The following ARHGAP20 variants were observed in gnomAD, a reference collection of about 807,000 sequenced individuals.
The protein encoded by ARHGAP20 is rho GTPase-activating protein 20.
Under a neutral mutation model 73.7 loss-of-function variants are expected in ARHGAP20, and 34 were observed. That is an observed-to-expected ratio of 0.46 (90% CI 0.35 to 0.61). The LOEUF (loss-of-function observed/expected upper bound fraction) is 0.61. Among genes scored for constraint, ARHGAP20 ranks in the 20% least tolerant of loss-of-function variants. The pLI, the probability that ARHGAP20 is intolerant of heterozygous loss-of-function variation, is 0.00. For synonymous variants in ARHGAP20, 523 were observed against 518.2 expected (o/e 1.01, Z -0.13); for missense variants, 1,314 against 1,420.9 (o/e 0.92, Z 1.21).
chr11:110,669,005 G>T (rs1949777232), intron 2 of ARHGAP20, among the ~76,000 whole-genome samples: 1 of 152,006 alleles, frequency 6.6e-6, no homozygotes, highest in South Asian at 2.1e-4. Flanking sequence ...TGTAAAATCT[G>T]AAACTATAAA....
chr11:110,594,587 C>T (rs552358698), intron 9 of ARHGAP20, among the ~76,000 whole-genome samples: 35 of 152,208 alleles, frequency 2.3e-4, no homozygotes, highest in Non-Finnish European at 7.4e-5. Flanking sequence ...TTAAGTAAAG[C>T]AGTTTCTTCC....
chr11:110,604,154 T>C (rs932824960), intron 9 of ARHGAP20, among the ~76,000 whole-genome samples: 1 of 152,174 alleles, frequency 6.6e-6, no homozygotes, highest in Non-Finnish European at 1.5e-5. Context: ...TCTGGCCCCT[T>C]ACAGGAAAAG....
intron 3 of ARHGAP20, among the ~76,000 whole-genome samples, chr11:110,628,272 G>C (rs941354893): frequency 6.6e-6 from 1 of 152,110 alleles, no homozygotes; most frequent in African/African-American, 2.4e-5. Context: ...GCTAATTTCA[G>C]ATTATTTCAA....
chr11:110,673,835 C>A (rs1473524364), intron 2 of ARHGAP20, among the ~76,000 whole-genome samples: 5 of 152,062 alleles, frequency 3.3e-5, no homozygotes, highest in Non-Finnish European at 5.9e-5. Context: ...AGAAAACTCT[C>A]AAAACAGGCA....
intron 5 of ARHGAP20, among the ~76,000 whole-genome samples, 154 bp downstream of exon 5, chr11:110,615,399 G>C (rs1948461201): frequency 6.6e-6 from 1 of 152,160 alleles, no homozygotes; most frequent in Non-Finnish European, 1.5e-5. Context: ...CAAGTAAGTA[G>C]CTAGTGTACG....
intron 2 of ARHGAP20, among the ~76,000 whole-genome samples, chr11:110,645,336 T>C (rs1025642908): frequency 2.6e-5 from 4 of 152,036 alleles, no homozygotes; most frequent in East Asian, 1.9e-4. Context: ...AAAGAAGACA[T>C]ACAAGTGGCC....
At chr11:110,626,311 A>G (rs944261525) in intron 3 of ARHGAP20, among the ~76,000 whole-genome samples, 1 of 152,170 alleles carries the variant, frequency 6.6e-6, no homozygotes, top group African/African-American at 2.4e-5. Context: ...AAGTCATCCC[A>G]AAGATCCTTT....
intron 6 of ARHGAP20, among the ~76,000 whole-genome samples, chr11:110,613,261 T>C (rs1361323592): frequency 1.3e-5 from 2 of 152,208 alleles, no homozygotes; most frequent in Non-Finnish European, 2.9e-5. Flanking sequence ...TTTTGTTCCA[T>C]ATTAGCATAA....
At position 110,578,074 on chromosome 11, in the gene ARHGAP20, A is replaced by G. The variant is rs1335207185; in HGVS notation, c.*1296T>C. The G allele has an allele frequency of 1.0e-6, 1 of 985,332 alleles. No homozygotes were observed. The highest frequency in any genetic ancestry group is 1.7e-5 in the African/African-American group (1 of 57,244). The allele number at this position is 985,332 out of a possible 1,614,324, so 61.0% of individuals were successfully genotyped here. On this transcript the variant is annotated 3_prime_UTR_variant, in exon 15 of 15. Coordinates refer to ENST00000683387, the MANE Select transcript of ARHGAP20 (RefSeq NM_001384657.1). ...TCCATTTTTAGTGCCATCCCTGCAT[A>G]CTAGTTGGCAAGGCCTGATAATCTA...
rs994193800 is a variant in ARHGAP20, at chr11:110,579,291, T to C, written c.*79A>G. The C allele has an allele frequency of 2.0e-6, 3 of 1,482,460 alleles. No homozygotes were observed. Among genetic ancestry groups the C allele is most frequent in the Non-Finnish European group, 2.7e-6 (3 of 1,116,026 alleles). 91.8% of individuals were successfully genotyped at this position (1,482,460 alleles called of 1,614,324 possible). On this transcript the variant is annotated 3_prime_UTR_variant, in exon 15 of 15. Coordinates refer to ENST00000683387, the MANE Select transcript of ARHGAP20 (RefSeq NM_001384657.1). ...TATGCTACCTCTCCCAGGTATCTTA[T>C]ACAAAGGGGTCATAATAATTATTGT...
Position 110,583,618 on chromosome 11 carries a change from CACACAGCTAAATTAAAT to C in ARHGAP20, c.1518_1534del (p.Phe507CysfsTer33). The C allele has an allele frequency of 6.2e-7, 1 of 1,613,280 alleles. No homozygotes were observed. Among genetic ancestry groups the C allele is most frequent in the Non-Finnish European group, 8.5e-7 (1 of 1,179,496 alleles). ...AGGCCAAAGAATACTTGGAGCGACACACACAGCTAAATTAAATGCAGTCATCTGATTGGATGAGGAAT... is the reference window on the plus strand; with the variant it reads ...AGGCCAAAGAATACTTGGAGCGACACGCAGTCATCTGATTGGATGAGGAAT... On this transcript the variant is annotated frameshift_variant, in exon 13 of 15. Transcript: ENST00000683387. LOFTEE classifies it high-confidence loss of function.
At chr11:110,707,466 G>C (rs2135156818) in intron 1 of ARHGAP20, among the ~76,000 whole-genome samples, 1 of 152,226 alleles carries the variant, frequency 6.6e-6, no homozygotes, top group South Asian at 2.1e-4. Context: ...CTTTGGAAGT[G>C]CCTCAGTGAT....
At chr11:110,582,490 C>T in intron 13 of ARHGAP20, 55 bp from the exon 14 acceptor site, 1 of 1,165,650 alleles carries the variant, frequency 8.6e-7, no homozygotes, top group South Asian at 1.3e-5. Context: ...GTTTATAAAT[C>T]ACATTTCATA....
rs556744449 is a variant in ARHGAP20, at chr11:110,681,077, T to C, written c.188+9470A>G. ...GTTCGCATCATATACCTTGGATCAT[T>C]CACAGATCTCTCAAATAAAAACCTC... On this transcript the variant is annotated intron_variant, in intron 2 of 14. Transcript: ENST00000683387. Among the ~76,000 whole-genome samples, 6 of 152,318 alleles carry C rather than the reference T, an allele frequency of 3.9e-5. No individual in the cohort carries two copies. The South Asian group carries it at 1.2e-3, about 32-fold the overall frequency.
chr11:110,711,400 C>A (rs1412285039), intron 1 of ARHGAP20, among the ~76,000 whole-genome samples: 1 of 151,826 alleles, frequency 6.6e-6, no homozygotes. Context: ...TCAGGACCCC[C>A]AACCACAGCC....
chr11:110,587,301 T>C (rs145061745), intron 11 of ARHGAP20, among the ~76,000 whole-genome samples: 32 of 152,326 alleles, frequency 2.1e-4, no homozygotes, highest in Non-Finnish European at 4.6e-4. Context: ...GTAAACTCAA[T>C]ATCGTGTTTA....
At chr11:110,611,230 T>C (rs1437180692) in intron 7 of ARHGAP20, 79 bp downstream of exon 7, 4 of 929,188 alleles carry the variant, frequency 4.3e-6, no homozygotes, top group Non-Finnish European at 6.4e-6. Context: ...AGCTGTCTTA[T>C]GATGGAAGGA....
intron 1 of ARHGAP20, among the ~76,000 whole-genome samples, chr11:110,703,786 T>A (rs572459785): frequency 1.3e-5 from 2 of 152,244 alleles, no homozygotes; most frequent in East Asian, 3.9e-4. Context: ...GTCATGATAA[T>A]CTTTAAGCAG....
chr11:110,666,185 G>T (rs562714626), intron 2 of ARHGAP20, among the ~76,000 whole-genome samples: 4 of 152,012 alleles, frequency 2.6e-5, no homozygotes, highest in Non-Finnish European at 5.9e-5. Flanking sequence ...CATTGAGAAC[G>T]ATACAATACT....
Sources: gnomAD v4.1 joint callset for allele counts (sites outside exome capture counted in the v4.1 genomes callset) on GRCh38, gnomAD v4.1.1 for gene constraint, MANE v1.5 for transcripts, NCBI Gene and HGNC (gene_info 2026-07-23, HGNC 2026-07-21) for gene names.